The following VWC2 variants were observed in gnomAD, a reference collection of about 807,000 sequenced individuals.
The protein encoded by VWC2 is von Willebrand factor C domain containing 2, also known as brorin.
A neutral mutation model predicts 29.8 loss-of-function variants in VWC2; 14 were observed. The observed-to-expected ratio is 0.47, with a 90% CI of 0.31 to 0.74. The LOEUF is 0.74. Among genes scored for constraint, VWC2 ranks in the 30% least tolerant of loss-of-function variants. The pLI is 0.05. For missense variants in VWC2, 457 were observed against 459.8 expected, an observed-to-expected ratio of 0.99 and a Z score of 0.05; for synonymous variants, 213 against 199.0, an observed-to-expected ratio of 1.07 and a Z score of -0.59.
At position 49,918,790 on chromosome 7, in the gene VWC2, C is replaced by G. The variant is rs934135861; in HGVS notation, c.*6605C>G. ...AACTTATCCAAATTTCAGTGATGGGCTGGGCGTGGTGGCTCACGCCTATAA... is the reference window on the plus strand; with the variant it reads ...AACTTATCCAAATTTCAGTGATGGGGTGGGCGTGGTGGCTCACGCCTATAA... On this transcript the variant is annotated 3_prime_UTR_variant, in exon 4 of 4. Coordinates refer to ENST00000340652, the MANE Select transcript of VWC2 (RefSeq NM_198570.5). 2 of 152,202 alleles carry G rather than the reference C, an allele frequency of 1.3e-5. No homozygotes were observed. Among genetic ancestry groups the G allele is most frequent in the African/African-American group, 4.8e-5 (2 of 41,436 alleles). The allele number at this position is 152,202 out of a possible 1,614,324, so 9.4% of individuals were successfully genotyped here.
chr7:49,864,452 A>T (rs925053452), intron 3 of VWC2, among the ~76,000 whole-genome samples: 3 of 152,116 alleles, frequency 2.0e-5, no homozygotes, highest in Non-Finnish European at 2.9e-5. Context: ...GGTGTTCTAG[A>T]TTCCTCCAAA....
intron 3 of VWC2, among the ~76,000 whole-genome samples, chr7:49,897,216 C>T (rs911639724): frequency 6.6e-6 from 1 of 152,130 alleles, no homozygotes; most frequent in Non-Finnish European, 1.5e-5. Context: ...TTTTTAAAAA[C>T]TCAAACTCAA....
In VWC2 at chr7:49,848,219, A is replaced by G. The variant is rs28370344; in HGVS notation, c.826+45379A>G. On this transcript the variant is annotated intron_variant, in intron 3 of 3. Coordinates refer to ENST00000340652, the MANE Select transcript of VWC2 (RefSeq NM_198570.5). ...GTATGAGTTTTGCACTTATGCTGCA[A>G]GTGTCTTTGGGAGCAGTCTGTGGTG... Among the ~76,000 whole-genome samples, 690 of 152,292 alleles carry G rather than the reference A, an allele frequency of 4.5e-3. 4 individuals carry two copies. Among genetic ancestry groups the G allele is most frequent in the African/African-American group, 0.016 (653 of 41,572 alleles).
At chr7:49,880,842 T>C (rs767255335) in intron 3 of VWC2, among the ~76,000 whole-genome samples, 5 of 152,110 alleles carry the variant, frequency 3.3e-5, no homozygotes, top group Non-Finnish European at 7.4e-5. Context: ...AAGCTCTTCA[T>C]TTTTGCCTAT....
downstream of VWC2, among the ~76,000 whole-genome samples, chr7:49,922,181 C>A (rs1794045927): frequency 6.6e-6 from 1 of 152,070 alleles, no homozygotes; most frequent in African/African-American, 2.4e-5. Context: ...GAAGTAGCAT[C>A]TATAATATAA....
intron 2 of VWC2, among the ~76,000 whole-genome samples, chr7:49,801,898 G>A (rs562135599): frequency 3.3e-5 from 5 of 152,288 alleles, no homozygotes; most frequent in East Asian, 1.9e-4. Flanking sequence ...CCTTGGCCCC[G>A]CTTGGATGCC....
intron 3 of VWC2, among the ~76,000 whole-genome samples, chr7:49,894,892 C>T (rs538750761): frequency 7.5e-4 from 114 of 152,304 alleles, no homozygotes; most frequent in Middle Eastern, 3.4e-3. Flanking sequence ...CAGCAGTAGG[C>T]GCCGAACACA....
At chr7:49,839,446 A>G (rs1055399361) in intron 3 of VWC2, among the ~76,000 whole-genome samples, 4 of 152,348 alleles carry the variant, frequency 2.6e-5, no homozygotes, top group Middle Eastern at 6.8e-3. Flanking sequence ...TTGTTAAGAA[A>G]TGTCTTTTAT....
chr7:49,887,555 G>T (rs1583758027), intron 3 of VWC2, among the ~76,000 whole-genome samples: 1 of 148,008 alleles, frequency 6.8e-6, no homozygotes, highest in East Asian at 1.9e-4. Flanking sequence ...GTCTTTCAGA[G>T]TATCATTTCA....
intron 2 of VWC2, among the ~76,000 whole-genome samples, chr7:49,783,470 A>G (rs975775655): frequency 6.6e-6 from 1 of 152,206 alleles, no homozygotes; most frequent in African/African-American, 2.4e-5. Context: ...GTGAGTTTGC[A>G]TGAAGGATAT....
intron 3 of VWC2, among the ~76,000 whole-genome samples, chr7:49,859,167 A>G (rs1024008902): frequency 2.0e-5 from 3 of 152,190 alleles, no homozygotes; most frequent in African/African-American, 7.2e-5. Context: ...AGCAATACCA[A>G]AATTATAATA....
chr7:49,874,454 C>A (rs1244227561), intron 3 of VWC2, among the ~76,000 whole-genome samples: 1 of 151,664 alleles, frequency 6.6e-6, no homozygotes, highest in African/African-American at 2.4e-5. Flanking sequence ...TAGGTCTGTG[C>A]AAGTGCACCC....
At chr7:49,873,296 G>A (rs1791251567) in intron 3 of VWC2, among the ~76,000 whole-genome samples, 1 of 152,156 alleles carries the variant, frequency 6.6e-6, no homozygotes, top group Admixed American at 6.5e-5. Context: ...AGTGCCTGGT[G>A]AGGGCCTGCT....
intron 2 of VWC2, among the ~76,000 whole-genome samples, chr7:49,776,579 A>G (rs1788059420): frequency 6.6e-6 from 1 of 152,230 alleles, no homozygotes; most frequent in African/African-American, 2.4e-5. Flanking sequence ...ATTTCCCTAG[A>G]TTATGTGTTT....
chr7:49,816,138 T>C (rs942903360), intron 3 of VWC2, among the ~76,000 whole-genome samples: 3 of 151,242 alleles, frequency 2.0e-5, no homozygotes, highest in African/African-American at 7.3e-5. Flanking sequence ...GGAGGGAGAG[T>C]TGGAAAGTGT....
intron 2 of VWC2, 35 bp from the exon 3 acceptor site, chr7:49,802,676 C>G: frequency 6.2e-7 from 1 of 1,613,058 alleles, no homozygotes. Flanking sequence ...AACATGACAG[C>G]AGGCTAAAGT....
intron 3 of VWC2, among the ~76,000 whole-genome samples, chr7:49,832,787 G>A (rs976081902): frequency 6.6e-6 from 1 of 152,170 alleles, no homozygotes; most frequent in Non-Finnish European, 1.5e-5. Flanking sequence ...CCAAGACTTT[G>A]TCAAGCTATA....
At chr7:49,875,997 A>G in intron 3 of VWC2, among the ~76,000 whole-genome samples, 1 of 152,142 alleles carries the variant, frequency 6.6e-6, no homozygotes, top group East Asian at 1.9e-4. Flanking sequence ...CTTATTCTGT[A>G]CTGTGAATAT....
chr7:49,898,180 A>G (rs1040332904), intron 3 of VWC2, among the ~76,000 whole-genome samples: 7 of 151,944 alleles, frequency 4.6e-5, no homozygotes, highest in East Asian at 1.9e-4. Context: ...GTGTGTGTGT[A>G]TATATGTGTG....
Sources: allele counts gnomAD v4.1 joint callset (sites outside exome capture counted in the v4.1 genomes callset), GRCh38; gene constraint gnomAD v4.1.1; transcripts MANE v1.5; gene names NCBI Gene and HGNC (gene_info 2026-07-23, HGNC 2026-07-21).